Variants in SNTG1 observed in about 807,000 individuals in gnomAD.
SNTG1 encodes the protein gamma-1-syntrophin.
In SNTG1, 39 loss-of-function variants were observed where a neutral mutation model predicts 74.7. The ratio of observed to expected loss-of-function variants is 0.52; its 90% CI spans 0.40 to 0.68. The LOEUF (loss-of-function observed/expected upper bound fraction) is 0.68. SNTG1 is among the 30% of genes least tolerant of loss of function. The probability of loss-of-function intolerance (pLI) is 0.00; values close to 1 mark genes in which losing one functional copy is unlikely to be tolerated. For missense variants in SNTG1, 685 were observed against 609.5 expected (o/e 1.12, Z -1.30); for synonymous variants, 254 against 217.1 (o/e 1.17, Z -1.49).
chr8:50,553,760 T>A (rs1169229873), intron 12 of SNTG1, among the ~76,000 whole-genome samples: 1 of 152,190 alleles, frequency 6.6e-6, no homozygotes, highest in Non-Finnish European at 1.5e-5. Flanking sequence ...AACTCTTTAA[T>A]AACCTAAATA....
chr8:50,151,991 T>C (rs1036184402), intron 1 of SNTG1, among the ~76,000 whole-genome samples: 2 of 152,150 alleles, frequency 1.3e-5, no homozygotes, highest in African/African-American at 4.8e-5. Context: ...CATTGATCTG[T>C]CTAATGTTGA....
intron 2 of SNTG1, among the ~76,000 whole-genome samples, chr8:50,381,555 GAT>G (rs1491542403): frequency 2.5e-4 from 27 of 105,964 alleles, no homozygotes; most frequent in Admixed American, 1.5e-3. Context: ...GAACTAATAG[GAT>G]ATGTGTGTGT....
chr8:50,388,286 T>C (rs1587429384), intron 2 of SNTG1, among the ~76,000 whole-genome samples: 1 of 152,150 alleles, frequency 6.6e-6, no homozygotes, highest in Non-Finnish European at 1.5e-5. Context: ...ACAGAACTGT[T>C]CTAAGTTATC....
intron 4 of SNTG1, among the ~76,000 whole-genome samples, chr8:50,436,254 G>T (rs550514082): frequency 1.3e-5 from 2 of 152,260 alleles, no homozygotes; most frequent in East Asian, 3.9e-4. Context: ...AATAGTTCCT[G>T]TCATACAAGA....
intron 13 of SNTG1, among the ~76,000 whole-genome samples, chr8:50,593,840 C>T (rs964181548): frequency 5.3e-5 from 8 of 152,034 alleles, no homozygotes; most frequent in African/African-American, 1.7e-4. Flanking sequence ...GCCTCAGCCT[C>T]CCAAGCAGCT....
chr8:50,363,472 T>C (rs941438859), intron 2 of SNTG1, among the ~76,000 whole-genome samples: 1 of 152,128 alleles, frequency 6.6e-6, no homozygotes, highest in Non-Finnish European at 1.5e-5. Flanking sequence ...CAATTGGACT[T>C]TGTCCCTGAA....
chr8:50,514,946 G>T (rs1481317067), intron 9 of SNTG1, among the ~76,000 whole-genome samples: 1 of 152,066 alleles, frequency 6.6e-6, no homozygotes, highest in Admixed American at 6.6e-5. Context: ...TATCTTCATG[G>T]TGAATTGACA....
intron 1 of SNTG1, among the ~76,000 whole-genome samples, chr8:49,946,566 G>A (rs1310377784): frequency 2.6e-5 from 4 of 152,084 alleles, no homozygotes; most frequent in African/African-American, 9.7e-5. Flanking sequence ...AGTGATTTCA[G>A]AATATTCTTT....
chr8:50,192,483 T>C (rs1029126901), intron 2 of SNTG1, among the ~76,000 whole-genome samples: 3 of 152,172 alleles, frequency 2.0e-5, no homozygotes, highest in Admixed American at 1.3e-4. Flanking sequence ...TTCATATCCT[T>C]AGCCCACATT....
rs118093191 is a variant in SNTG1, at chr8:50,576,413, T to C, written c.811-14466T>C. On this transcript the variant is annotated intron_variant, in intron 12 of 18. Transcript: ENST00000642720. ...ATCAAGAAATACGTGTTCTCTGGTA[T>C]TGTTCTTTGTTAAGATTGTTTTGGC... Among the ~76,000 whole-genome samples, 54 of 152,298 alleles carry C rather than the reference T, an allele frequency of 3.5e-4. No homozygotes were observed. In the East Asian group the frequency reaches 9.5e-3, roughly 27 times the overall value.
intron 8 of SNTG1, among the ~76,000 whole-genome samples, chr8:50,462,622 A>G (rs2093573828): frequency 6.6e-6 from 1 of 152,092 alleles, no homozygotes; most frequent in South Asian, 2.1e-4. Context: ...AACTAAGTTT[A>G]CATAATATTC....
rs2093576027 is a variant in SNTG1, at chr8:50,462,794, C to CTTTTTTTT, written c.363+12066_363+12067insTTTTTTTT. 3.7e-4 allele frequency among the ~76,000 whole-genome samples: 16 copies of CTTTTTTTT among 43,626 alleles called. 6 individuals carry two copies. Among genetic ancestry groups the CTTTTTTTT allele is most frequent in the Non-Finnish European group, 3.3e-4 (7 of 21,434 alleles). 28.6% of individuals were successfully genotyped at this position (43,626 alleles called of 152,430 possible). A position where few individuals can be genotyped will look rare whatever the true frequency, so the allele number is the denominator to read the frequency against. On this transcript the variant is annotated intron_variant, in intron 8 of 18. Transcript: ENST00000642720. ...AACTCAGTCGCATCTTCAGGTTCTA[C>CTTTTTTTT]TCTTTTTTTTTTTTTTTTTTTTTTT...
chr8:50,578,270 T>G (rs1362154100), intron 12 of SNTG1, among the ~76,000 whole-genome samples: 1 of 152,222 alleles, frequency 6.6e-6, no homozygotes, highest in Non-Finnish European at 1.5e-5. Context: ...TGGTTTTGAT[T>G]ATGTGGTACA....
intron 1 of SNTG1, among the ~76,000 whole-genome samples, chr8:49,951,566 C>T (rs1215577172): frequency 6.7e-6 from 1 of 149,096 alleles, no homozygotes; most frequent in Non-Finnish European, 1.5e-5. Flanking sequence ...AATGAGATCA[C>T]ATGGACACAT....
chr8:50,253,005 AT>A (rs1311587209), intron 2 of SNTG1, among the ~76,000 whole-genome samples: 2 of 152,228 alleles, frequency 1.3e-5, no homozygotes, highest in African/African-American at 4.8e-5. Flanking sequence ...TAGAATGTCT[AT>A]TATATAAAAC....
intron 2 of SNTG1, among the ~76,000 whole-genome samples, chr8:50,308,909 T>A (rs898656065): frequency 1.1e-4 from 17 of 152,204 alleles, no homozygotes; most frequent in Middle Eastern, 3.4e-3. Flanking sequence ...TGTTTTTTTT[T>A]AAATGTTTCT....
At chr8:50,304,972 G>A (rs542557050) in intron 2 of SNTG1, among the ~76,000 whole-genome samples, 4 of 151,760 alleles carry the variant, frequency 2.6e-5, no homozygotes, top group East Asian at 3.9e-4. Context: ...GCATGATCTC[G>A]GCTCACTGCA....
intron 1 of SNTG1, among the ~76,000 whole-genome samples, chr8:49,989,316 G>A (rs1245592831): frequency 6.6e-6 from 1 of 151,564 alleles, no homozygotes; most frequent in Admixed American, 6.6e-5. Flanking sequence ...TAGTACCCTG[G>A]AAAACTGTAT....
At chr8:50,045,599 G>A (rs1819016158) in intron 1 of SNTG1, among the ~76,000 whole-genome samples, 1 of 151,826 alleles carries the variant, frequency 6.6e-6, no homozygotes, top group Admixed American at 6.6e-5. Context: ...TTGGGGAGGG[G>A]GTCCTCAGTT....
Sources: gnomAD v4.1 joint callset for allele counts (sites outside exome capture counted in the v4.1 genomes callset) on GRCh38, gnomAD v4.1.1 for gene constraint, MANE v1.5 for transcripts, NCBI Gene and HGNC (gene_info 2026-07-23, HGNC 2026-07-21) for gene names.